GAS7: variants seen among roughly 807,000 people sequenced by gnomAD.
GAS7 encodes the protein growth arrest-specific protein 7.
In GAS7, 28 loss-of-function variants were observed where a neutral mutation model predicts 71.1. The observed-to-expected ratio is 0.39, with a 90% CI of 0.29 to 0.54. The LOEUF (loss-of-function observed/expected upper bound fraction) is 0.54, where lower values mean the gene tolerates loss of function less well. Among genes scored for constraint, GAS7 ranks in the 20% least tolerant of loss-of-function variants. The pLI is 0.62. For synonymous variants in GAS7, 258 were observed against 245.8 expected, an observed-to-expected ratio of 1.05 and a Z score of -0.46; for missense variants, 436 against 627.8, an observed-to-expected ratio of 0.69 and a Z score of 3.27.
At chr17:10,127,446 G>A (rs1052351259) in intron 1 of GAS7, among the ~76,000 whole-genome samples, 3 of 152,108 alleles carry the variant, frequency 2.0e-5, no homozygotes, top group African/African-American at 7.2e-5. Flanking sequence ...ACGGCCTGGA[G>A]GAGACCTGGG....
intron 1 of GAS7, among the ~76,000 whole-genome samples, chr17:10,163,918 G>A (rs756063314): frequency 6.6e-6 from 1 of 152,172 alleles, no homozygotes; most frequent in Admixed American, 6.5e-5. Context: ...CGCAGATAAC[G>A]TGCTCACTTA....
intron 12 of GAS7, 113 bp from the exon 13 acceptor site, chr17:9,918,212 A>C: frequency 2.9e-6 from 2 of 692,048 alleles, no homozygotes; most frequent in East Asian, 2.7e-5. Flanking sequence ...GTCCCATCTG[A>C]CTCTCTGGGG....
chr17:10,153,211 A>AAAAAAAAACAAAGCAAAAC (rs2074180409), intron 1 of GAS7, among the ~76,000 whole-genome samples: 2 of 17,096 alleles, frequency 1.2e-4, no homozygotes, highest in Non-Finnish European at 2.0e-4. Flanking sequence ...CTCCGTCTCA[A>AAAAAAAAACAAAGCAAAAC]AAAAAAAACA....
intron 11 of GAS7, among the ~76,000 whole-genome samples, chr17:9,920,613 G>A (rs1031453846): frequency 6.6e-6 from 1 of 152,160 alleles, no homozygotes; most frequent in Non-Finnish European, 1.5e-5. Context: ...GGACAGATCC[G>A]AGACCTACTG....
At position 9,981,519 on chromosome 17, in the gene GAS7, CT is replaced by C. The variant is rs1463163539; in HGVS notation, c.385+284del. 1.3e-5 allele frequency among the ~76,000 whole-genome samples: 2 copies of C among 152,164 alleles called. No homozygotes were observed. Among genetic ancestry groups the C allele is most frequent in the Admixed American group, 1.3e-4 (2 of 15,272 alleles). On this transcript the variant is annotated intron_variant, in intron 3 of 13. Transcript: ENST00000432992. This position sits in a 1 kb window ranked among gnomAD's most constrained non-coding sequence, Gnocchi z 4.4. Reference sequence around the variant, plus strand: ...GTCCACACTTCAGGTCTTCCTGCCCCTGACAGACAGGAAAGAGCTCTGACAC... The same window carrying C: ...GTCCACACTTCAGGTCTTCCTGCCCCGACAGACAGGAAAGAGCTCTGACAC...
At chr17:10,137,019 T>C in intron 1 of GAS7, among the ~76,000 whole-genome samples, 1 of 151,952 alleles carries the variant, frequency 6.6e-6, no homozygotes. Flanking sequence ...GAGGCTGAGG[T>C]GGGAGAATCA....
intron 2 of GAS7, among the ~76,000 whole-genome samples, chr17:10,000,707 T>C (rs1597652132): frequency 6.6e-6 from 1 of 152,208 alleles, no homozygotes; most frequent in African/African-American, 2.4e-5. Flanking sequence ...CTACTCTTCA[T>C]ACGAAAGAGT....
intron 1 of GAS7, among the ~76,000 whole-genome samples, chr17:10,113,962 T>G (rs1236362332): frequency 6.6e-6 from 1 of 152,230 alleles, no homozygotes; most frequent in South Asian, 2.1e-4. Flanking sequence ...TTGCCCAGGC[T>G]GGAGTGCAGT....
At chr17:10,036,556 G>A (rs955157291) in intron 1 of GAS7, 317 of 1,567,558 alleles carry the variant, frequency 2.0e-4, no homozygotes, top group Non-Finnish European at 2.4e-4. Flanking sequence ...CAGCCTCTCC[G>A]GGAAATGGGG....
At chr17:10,025,955 A>G (rs992521119) in intron 1 of GAS7, among the ~76,000 whole-genome samples, 2 of 152,206 alleles carry the variant, frequency 1.3e-5, no homozygotes, top group African/African-American at 4.8e-5. Flanking sequence ...ATTCTGTTCC[A>G]TTGCCCCAAA....
chr17:10,198,000 G>T (rs533657018), intron 1 of GAS7, among the ~76,000 whole-genome samples: 74 of 152,264 alleles, frequency 4.9e-4, no homozygotes, highest in Non-Finnish European at 6.8e-4. Context: ...GAAGCTCCCC[G>T]CGAGTCCGCG....
rs17745055 is a variant in GAS7, at chr17:9,914,783, T to C, written c.*2445A>G. ...AGAGGAGAGCAGAGGAATGCCCATCTTACATACAACTAGAGCGCCGCTTCT... is the reference window on the plus strand; with the variant it reads ...AGAGGAGAGCAGAGGAATGCCCATCCTACATACAACTAGAGCGCCGCTTCT... On this transcript the variant is annotated 3_prime_UTR_variant, in exon 14 of 14. Transcript: ENST00000432992. 0.013 allele frequency: 3,064 copies of C among 228,652 alleles called. 32 individuals are homozygous for C. The highest frequency in any genetic ancestry group is 0.02 in the Non-Finnish European group (2,257 of 115,176). The allele number at this position is 228,652 out of a possible 1,614,324, so 14.2% of individuals were successfully genotyped here. A position where few individuals can be genotyped will look rare whatever the true frequency, so the allele number is the denominator to read the frequency against.
chr17:10,162,097 C>A (rs1455853800), intron 1 of GAS7, among the ~76,000 whole-genome samples: 1 of 151,274 alleles, frequency 6.6e-6, no homozygotes, highest in Admixed American at 6.6e-5. Flanking sequence ...AATCGCCTTC[C>A]CAGAATGCTG....
chr17:10,044,698 A>G (rs1021497097), intron 1 of GAS7, among the ~76,000 whole-genome samples: 1 of 152,228 alleles, frequency 6.6e-6, no homozygotes, highest in Non-Finnish European at 1.5e-5. Context: ...ATATTAATTG[A>G]AAAGAATCCA....
At position 10,054,992 on chromosome 17, in the gene GAS7, C is replaced by T. The variant is rs936642889; in HGVS notation, c.184-35095G>A. Among the ~76,000 whole-genome samples the T allele has an allele frequency of 2.0e-5, 3 of 152,202 alleles. No individual in the cohort carries two copies. The South Asian group carries it at 6.2e-4, about 32-fold the overall frequency. On this transcript the variant is annotated intron_variant, in intron 1 of 13. Transcript: ENST00000432992. ...AGAAGGTTTGGAAGTGGAGGAGGTGCGTAAGAAAGCTGAAACAGGTTAAGG... is the reference window on the plus strand; with the variant it reads ...AGAAGGTTTGGAAGTGGAGGAGGTGTGTAAGAAAGCTGAAACAGGTTAAGG...
At chr17:10,175,368 T>A (rs897495602) in intron 1 of GAS7, among the ~76,000 whole-genome samples, 1 of 152,002 alleles carries the variant, frequency 6.6e-6, no homozygotes, top group Non-Finnish European at 1.5e-5. Flanking sequence ...AAAAGAATCA[T>A]AGACTGGGTG....
chr17:9,971,878 C>T (rs558027156), intron 3 of GAS7, among the ~76,000 whole-genome samples: 87 of 152,256 alleles, frequency 5.7e-4, no homozygotes, highest in African/African-American at 1.8e-3. Flanking sequence ...TGGAGGCAAG[C>T]GTTGGGCAAT....
chr17:10,149,150 T>G (rs2074144996), intron 1 of GAS7, among the ~76,000 whole-genome samples: 1 of 152,204 alleles, frequency 6.6e-6, no homozygotes, highest in South Asian at 2.1e-4. Flanking sequence ...TCACCCAGAC[T>G]GGAGTGCAGT....
chr17:10,080,868 C>T (rs2073450136), intron 1 of GAS7, among the ~76,000 whole-genome samples: 1 of 152,130 alleles, frequency 6.6e-6, no homozygotes. Context: ...AAATAGTGAA[C>T]AGATAGACAA....
Sources: allele counts gnomAD v4.1 joint callset (sites outside exome capture counted in the v4.1 genomes callset), GRCh38; gene constraint gnomAD v4.1.1; non-coding constraint Gnocchi (gnomAD v3.1); transcripts MANE v1.5; gene names NCBI Gene and HGNC (gene_info 2026-07-23, HGNC 2026-07-21).